LTBP1: variants seen among roughly 807,000 people sequenced by gnomAD.
LTBP1 encodes latent transforming growth factor beta binding protein 1.
LTBP1 carries 129 observed loss-of-function variants against 207.6 expected under a neutral mutation model. The observed-to-expected ratio is 0.62, with a 90% CI of 0.54 to 0.72. The LOEUF is 0.72. Among genes scored for constraint, LTBP1 ranks in the 30% least tolerant of loss-of-function variants. The pLI, the probability that LTBP1 is intolerant of heterozygous loss-of-function variation, is 0.00. For missense variants in LTBP1, 2,281 were observed against 2,217.2 expected (o/e 1.03, Z -0.58); for synonymous variants, 963 against 833.7 (o/e 1.16, Z -2.67).
intron 3 of LTBP1, among the ~76,000 whole-genome samples, chr2:33,035,516 A>G (rs2149355897): frequency 6.6e-6 from 1 of 152,346 alleles, no homozygotes; most frequent in East Asian, 1.9e-4. Flanking sequence ...ACACCAAATT[A>G]TTTTATAGTC....
intron 26 of LTBP1, 151 bp downstream of exon 26, chr2:33,347,661 G>T: frequency 1.1e-6 from 1 of 916,076 alleles, no homozygotes; most frequent in Non-Finnish European, 1.6e-6. Context: ...GATCTTCTGT[G>T]CCTGCCTTGT....
intron 3 of LTBP1, among the ~76,000 whole-genome samples, chr2:33,048,499 C>G (rs1291171518): frequency 6.6e-6 from 1 of 152,192 alleles, no homozygotes; most frequent in Non-Finnish European, 1.5e-5. Flanking sequence ...AGTACTCACA[C>G]TCAGAGGAGC....
At chr2:33,369,246 T>G (rs1389174688) in intron 31 of LTBP1, among the ~76,000 whole-genome samples, 1 of 152,170 alleles carries the variant, frequency 6.6e-6, no homozygotes, top group East Asian at 1.9e-4. Context: ...AGTTTGTATA[T>G]CCACAGTTAT....
intron 3 of LTBP1, among the ~76,000 whole-genome samples, chr2:33,077,095 C>G (rs928274170): frequency 6.6e-6 from 1 of 152,162 alleles, no homozygotes; most frequent in South Asian, 2.1e-4. Context: ...AAAGAGGACA[C>G]TGTCAGATGT....
chr2:32,966,005 A>G (rs969260956), intron 2 of LTBP1, among the ~76,000 whole-genome samples: 2 of 152,160 alleles, frequency 1.3e-5, no homozygotes, highest in African/African-American at 4.8e-5. Context: ...TGTTGTCATC[A>G]GTGTTTTGGA....
At chr2:33,102,238 T>C (rs2079779381) in intron 3 of LTBP1, among the ~76,000 whole-genome samples, 1 of 152,164 alleles carries the variant, frequency 6.6e-6, no homozygotes, top group Non-Finnish European at 1.5e-5. Context: ...TTTTCAACCA[T>C]GGAACTATTG....
intron 1 of LTBP1, 69 bp downstream of exon 1, chr2:32,947,887 T>C: frequency 8.2e-7 from 1 of 1,224,672 alleles, no homozygotes. Flanking sequence ...ACCTGCGGGG[T>C]CAGGGCCACT....
At chr2:33,153,239 C>T (rs1163833701) in intron 5 of LTBP1, among the ~76,000 whole-genome samples, 1 of 152,208 alleles carries the variant, frequency 6.6e-6, no homozygotes, top group East Asian at 1.9e-4. Flanking sequence ...GATGTGTCAT[C>T]AGCTTGACAA....
chr2:33,261,201 A>G (rs1476876827), intron 13 of LTBP1, among the ~76,000 whole-genome samples: 2 of 152,198 alleles, frequency 1.3e-5, no homozygotes, highest in South Asian at 2.1e-4. Context: ...TGTTAAATGT[A>G]GAAGTGGTGT....
chr2:33,217,492 C>A (rs2149368105), intron 7 of LTBP1, 60 bp from the exon 8 acceptor site: 1 of 1,175,108 alleles, frequency 8.5e-7, no homozygotes, highest in Non-Finnish European at 1.3e-6. Flanking sequence ...GACAGCAGTG[C>A]TCTGGGGCTG....
At chr2:33,335,751 G>A (rs1171555325) in intron 24 of LTBP1, among the ~76,000 whole-genome samples, 1 of 152,128 alleles carries the variant, frequency 6.6e-6, no homozygotes, top group Non-Finnish European at 1.5e-5. Context: ...CCACTTGTTG[G>A]CTGAGATTTA....
rs191935108 is a variant in LTBP1 at position 33,076,767 on chromosome 2, C to T, written c.864-33815C>T. Among the ~76,000 whole-genome samples the T allele has an allele frequency of 1.2e-3, 187 of 152,160 alleles. No individual in the cohort carries two copies. The Middle Eastern group carries it at 0.017, about 14-fold the overall frequency. The stretch of plus-strand genomic sequence containing the variant: ...GGCCAGGATGGTCTCAATCTCTTGA[C>T]CTCGTGATCCACCCGTCTCGGCCTC... On this transcript the variant is annotated intron_variant, in intron 3 of 33. Transcript: ENST00000404816.
rs535793783 is a variant in LTBP1 at position 33,102,336 on chromosome 2, A to T, written c.864-8246A>T. On this transcript the variant is annotated intron_variant, in intron 3 of 33. Coordinates refer to ENST00000404816, the MANE Select transcript of LTBP1 (RefSeq NM_206943.4). ...TTAGTGTCATCCCTGGCTTTTTCCC[A>T]GTAGATGCCAGGCTGCCATCTCCAA... Among the ~76,000 whole-genome samples, 5 of 152,260 alleles carry T rather than the reference A, an allele frequency of 3.3e-5. No individual in the cohort carries two copies. In the South Asian group the frequency reaches 1.0e-3, roughly 32 times the overall value.
At chr2:33,250,547 C>T (rs536480047) in intron 10 of LTBP1, among the ~76,000 whole-genome samples, 1 of 152,038 alleles carries the variant, frequency 6.6e-6, no homozygotes, top group East Asian at 1.9e-4. Context: ...GGGGAGGCTC[C>T]CCAGTGTGAG....
At chr2:33,049,951 C>G (rs1185541447) in intron 3 of LTBP1, among the ~76,000 whole-genome samples, 1 of 151,832 alleles carries the variant, frequency 6.6e-6, no homozygotes, top group African/African-American at 2.4e-5. Flanking sequence ...AAGCGATCCT[C>G]CCACCTCATC....
In LTBP1 at chr2:33,275,086, C is replaced by T. The variant is rs1423398412; in HGVS notation, c.2865C>T (p.Cys955=). The change falls in exon 17 of 34, where the codon TGC becomes TGT. Residue 955 remains cysteine (C), a synonymous_variant. Coordinates refer to ENST00000404816, the MANE Select transcript of LTBP1 (RefSeq NM_206943.4). ...GFMASEEGTN[C]IDVDECLRPD... ...TGGCCAGTGAGGAGGGTACTAACTGCATAGGTAATGGCAGCATTCTTCCTG... is the reference window on the plus strand; with the variant it reads ...TGGCCAGTGAGGAGGGTACTAACTGTATAGGTAATGGCAGCATTCTTCCTG... 1.9e-6 allele frequency: 3 copies of T among 1,613,790 alleles called. No individual in the cohort carries two copies.
At chr2:33,385,893 G>A (rs960346161) in intron 31 of LTBP1, among the ~76,000 whole-genome samples, 2 of 152,228 alleles carry the variant, frequency 1.3e-5, no homozygotes, top group Admixed American at 1.3e-4. Context: ...GACCAAAACT[G>A]TCTTGGAGCT....
intron 2 of LTBP1, among the ~76,000 whole-genome samples, chr2:32,992,090 T>G (rs574809572): frequency 6.6e-6 from 1 of 152,188 alleles, no homozygotes; most frequent in East Asian, 1.9e-4. Flanking sequence ...TCTTACGATA[T>G]CTGCTCAATT....
chr2:33,045,529 T>TCC, intron 3 of LTBP1, among the ~76,000 whole-genome samples: 1 of 152,350 alleles, frequency 6.6e-6, no homozygotes, highest in East Asian at 1.9e-4. Context: ...TGTAGTATAG[T>TCC]TTGAAGTCAG....
Sources: allele counts gnomAD v4.1 joint callset (sites outside exome capture counted in the v4.1 genomes callset), GRCh38; gene constraint gnomAD v4.1.1; transcripts MANE v1.5; gene names NCBI Gene and HGNC (gene_info 2026-07-23, HGNC 2026-07-21).